TRPM7: variants seen among roughly 807,000 people sequenced by gnomAD.
TRPM7 encodes the protein LTRPC ion channel family member 7.
A neutral mutation model predicts 229.7 loss-of-function variants in TRPM7; 134 were observed. The ratio of observed to expected loss-of-function variants is 0.58; its 90% CI spans 0.51 to 0.67. The LOEUF (loss-of-function observed/expected upper bound fraction) is 0.67, where lower values mean the gene tolerates loss of function less well. Ranked by LOEUF, TRPM7 falls within the 30% of genes least tolerant of loss-of-function variation. The pLI is 0.00. For missense variants in TRPM7, 1,901 were observed against 2,210.0 expected (o/e 0.86, Z 2.80); for synonymous variants, 699 against 715.2 (o/e 0.98, Z 0.36).
At chr15:50,641,224 G>A (rs911926560) in intron 5 of TRPM7, among the ~76,000 whole-genome samples, 6 of 148,336 alleles carry the variant, frequency 4.0e-5, no homozygotes, top group African/African-American at 9.7e-5. Flanking sequence ...TGCTTATAAC[G>A]GTCCCCAAGG....
intron 30 of TRPM7, among the ~76,000 whole-genome samples, chr15:50,579,086 AGATGTC>A (rs1364083599): frequency 3.9e-5 from 6 of 152,212 alleles, no homozygotes; most frequent in African/African-American, 1.4e-4. Flanking sequence ...AAAAGTAAGT[AGATGTC>A]ATTTTGCCTC....
chr15:50,569,435 C>T (rs1040938207), intron 38 of TRPM7, among the ~76,000 whole-genome samples: 1 of 152,142 alleles, frequency 6.6e-6, no homozygotes, highest in Non-Finnish European at 1.5e-5. Context: ...CAAGTAAAGG[C>T]AAATACGTTA....
chr15:50,605,277 G>C (rs1288904508), intron 20 of TRPM7, 133 bp from the exon 21 acceptor site: 1 of 837,962 alleles, frequency 1.2e-6, no homozygotes. Flanking sequence ...TTGAGACAGA[G>C]TCTCGCTCTA....
intron 3 of TRPM7, among the ~76,000 whole-genome samples, chr15:50,650,381 T>C (rs145974265): frequency 6.6e-6 from 1 of 151,926 alleles, no homozygotes; most frequent in African/African-American, 2.4e-5. Flanking sequence ...AAAAGTATCA[T>C]TAAATTAGAA....
intron 32 of TRPM7, 22 bp downstream of exon 32, chr15:50,575,847 T>C (rs1252764907): frequency 6.2e-7 from 1 of 1,611,540 alleles, no homozygotes; most frequent in Non-Finnish European, 8.5e-7. Context: ...TGCTATTAAA[T>C]TTTGTTTTTA....
chr15:50,565,828 G>GTT (rs59711223), intron 38 of TRPM7, among the ~76,000 whole-genome samples: 38 of 145,906 alleles, frequency 2.6e-4, no homozygotes, highest in Non-Finnish European at 2.3e-4. Flanking sequence ...AACTCTTTTT[G>GTT]TTTTTTTTTT....
intron 13 of TRPM7, among the ~76,000 whole-genome samples, chr15:50,619,423 T>G (rs781455499): frequency 1.3e-5 from 2 of 152,070 alleles, no homozygotes; most frequent in African/African-American, 2.4e-5. Flanking sequence ...GATTTCAGCA[T>G]GCTGCCCAGG....
intron 1 of TRPM7, among the ~76,000 whole-genome samples, chr15:50,680,421 G>C (rs1485445006): frequency 6.6e-6 from 1 of 151,150 alleles, no homozygotes; most frequent in African/African-American, 2.4e-5. Flanking sequence ...AACACAAAAA[G>C]TAGCCCAATG....
chr15:50,661,629 A>T (rs143478043), intron 2 of TRPM7, among the ~76,000 whole-genome samples: 1 of 152,316 alleles, frequency 6.6e-6, no homozygotes, highest in East Asian at 1.9e-4. Flanking sequence ...ATAAACAAGA[A>T]TAGTGACATA....
At chr15:50,604,598 G>T in intron 21 of TRPM7, 1 of 228,670 alleles carries the variant, frequency 4.4e-6, no homozygotes. Flanking sequence ...AAAAAAGCCT[G>T]GATCAGTGAA....
Position 50,609,788 on chromosome 15 carries a change from A to G in TRPM7, c.2436+18T>C. 1 of 1,601,290 alleles carries G rather than the reference A, an allele frequency of 6.2e-7. No individual in the cohort carries two copies. Among genetic ancestry groups the G allele is most frequent in the Non-Finnish European group, 8.5e-7 (1 of 1,175,928 alleles). Reference sequence around the variant, plus strand: ...TCAGAACAAACTTATATTTACTTTAAAATGTTTTCCTGCTTACCATGGGGA... The same window carrying G: ...TCAGAACAAACTTATATTTACTTTAGAATGTTTTCCTGCTTACCATGGGGA... On this transcript the variant is annotated intron_variant, in intron 18 of 38. Coordinates refer to ENST00000646667, the MANE Select transcript of TRPM7 (RefSeq NM_017672.6).
chr15:50,571,423 T>TG (rs2053879483), intron 36 of TRPM7, among the ~76,000 whole-genome samples: 1 of 152,250 alleles, frequency 6.6e-6, no homozygotes, highest in African/African-American at 2.4e-5. Flanking sequence ...CTGCAAGCAC[T>TG]GTTTGTAGAA....
At chr15:50,638,549 CA>C (rs71124397) in intron 6 of TRPM7, among the ~76,000 whole-genome samples, 13,648 of 143,484 alleles carry the variant, frequency 0.095, 649 homozygotes, top group South Asian at 0.13. Context: ...AACTCCATTT[CA>C]AAAAAAAAAG....
At chr15:50,648,020 T>A (rs1013879929) in intron 4 of TRPM7, among the ~76,000 whole-genome samples, 14 of 152,172 alleles carry the variant, frequency 9.2e-5, no homozygotes, top group African/African-American at 3.4e-4. Flanking sequence ...CCTCAAGCCA[T>A]CCTTCCACCC....
intron 3 of TRPM7, among the ~76,000 whole-genome samples, chr15:50,657,160 C>A (rs1429801381): frequency 6.6e-6 from 1 of 152,038 alleles, no homozygotes; most frequent in African/African-American, 2.4e-5. Context: ...CCCATTTCTA[C>A]TAAGAATACA....
rs28650144 is a variant in TRPM7 at position 50,583,364 on chromosome 15, C to T, written c.4487-205G>A. On this transcript the variant is annotated intron_variant, in intron 28 of 38. Transcript: ENST00000646667. ...AACTATTCAATTTATTGTGAAAAGG[C>T]AACAATAAATGAGAGTATGAAGTAA... 8.0e-3 allele frequency among the ~76,000 whole-genome samples: 1,209 copies of T among 152,052 alleles called. 19 individuals carry two copies. The highest frequency in any genetic ancestry group is 0.028 in the African/African-American group (1,158 of 41,462).
chr15:50,579,036 A>G (rs1490823794), intron 30 of TRPM7, among the ~76,000 whole-genome samples: 1 of 152,218 alleles, frequency 6.6e-6, no homozygotes, highest in African/African-American at 2.4e-5. Flanking sequence ...GCAGGATGCT[A>G]GAAATATTTC....
At chr15:50,645,601 G>T (rs1383547915) in intron 4 of TRPM7, among the ~76,000 whole-genome samples, 1 of 152,058 alleles carries the variant, frequency 6.6e-6, no homozygotes, top group Non-Finnish European at 1.5e-5. Flanking sequence ...CAAAGTTCTG[G>T]GATTACAGGC....
At chr15:50,604,576 G>GAAA (rs376885628) in intron 21 of TRPM7, 6 of 77,368 alleles carry the variant, frequency 7.8e-5, no homozygotes, top group Non-Finnish European at 1.1e-4. Context: ...GTCTCAAAAA[G>GAAA]AAAAAAAAAA....
Sources: allele counts gnomAD v4.1 joint callset (sites outside exome capture counted in the v4.1 genomes callset), GRCh38; gene constraint gnomAD v4.1.1; transcripts MANE v1.5; gene names NCBI Gene and HGNC (gene_info 2026-07-23, HGNC 2026-07-21).